Variants in CCSER1 observed in about 807,000 individuals in gnomAD.
CCSER1 encodes serine-rich coiled-coil domain-containing protein 1.
Under a neutral mutation model 82.0 loss-of-function variants are expected in CCSER1, and 41 were observed. That is an observed-to-expected ratio of 0.50 (90% CI 0.39 to 0.65). The LOEUF is 0.65. Among genes scored for constraint, CCSER1 ranks in the 30% least tolerant of loss-of-function variants. CCSER1 has a pLI of 0.00. For synonymous variants in CCSER1, 414 were observed against 383.9 expected, an observed-to-expected ratio of 1.08 and a Z score of -0.92; for missense variants, 1,119 against 1,064.2, an observed-to-expected ratio of 1.05 and a Z score of -0.72.
At chr4:90,610,232 G>A (rs1470546947) in intron 5 of CCSER1, among the ~76,000 whole-genome samples, 3 of 150,110 alleles carry the variant, frequency 2.0e-5, no homozygotes, top group Non-Finnish European at 3.0e-5. Context: ...CAGACTGGGC[G>A]ACAGAACAAG....
chr4:91,463,916 T>G (rs4632613), intron 10 of CCSER1, among the ~76,000 whole-genome samples: 1 of 152,052 alleles, frequency 6.6e-6, no homozygotes, highest in African/African-American at 2.4e-5. Context: ...TGGAACCAAG[T>G]TGGCAAACAC....
chr4:90,408,900 G>C (rs981913484), intron 4 of CCSER1, among the ~76,000 whole-genome samples: 1 of 152,154 alleles, frequency 6.6e-6, no homozygotes, highest in African/African-American at 2.4e-5. Context: ...TAGATGAATG[G>C]ATAACTGGAA....
intron 10 of CCSER1, among the ~76,000 whole-genome samples, chr4:91,346,068 G>C (rs1322764403): frequency 1.3e-5 from 2 of 149,752 alleles, no homozygotes; most frequent in African/African-American, 5.1e-5. Flanking sequence ...TCTGTCACCA[G>C]GCTGGAGTGC....
chr4:90,917,740 TTTA>T (rs1727715557), intron 8 of CCSER1, among the ~76,000 whole-genome samples: 1 of 152,128 alleles, frequency 6.6e-6, no homozygotes, highest in Admixed American at 6.6e-5. Context: ...AAAAAAATCT[TTTA>T]TTATTGACAT....
At chr4:91,033,084 A>G (rs1376003259) in intron 9 of CCSER1, among the ~76,000 whole-genome samples, 4 of 152,258 alleles carry the variant, frequency 2.6e-5, no homozygotes, top group Non-Finnish European at 5.9e-5. Context: ...AATTAAGTAA[A>G]TGAGACAAAT....
chr4:91,074,399 A>G (rs1044597816), intron 9 of CCSER1, among the ~76,000 whole-genome samples: 2 of 152,200 alleles, frequency 1.3e-5, no homozygotes, highest in African/African-American at 4.8e-5. Context: ...TGCCACTAAC[A>G]TCAGTGCATG....
chr4:91,319,506 G>A, intron 10 of CCSER1: 1 of 381,186 alleles, frequency 2.6e-6, no homozygotes, highest in Admixed American at 3.1e-5. Flanking sequence ...TTCCCTCATG[G>A]AACTTTGTTA....
Position 91,399,898 on chromosome 4 carries a change from T to A in CCSER1, c.2218-198674T>A, listed in dbSNP as rs58543600. 7.6e-3 allele frequency among the ~76,000 whole-genome samples: 1,155 copies of A among 152,122 alleles called. 17 individuals are homozygous for A. The highest frequency in any genetic ancestry group is 0.026 in the African/African-American group (1,097 of 41,544). On this transcript the variant is annotated intron_variant, in intron 10 of 10. Coordinates refer to ENST00000509176, the MANE Select transcript of CCSER1 (RefSeq NM_001145065.2). ...CCTCTGAACGTTTTCTGTTCTAAAGTATGTTTTCATCACTTTCCTATTTTT... is the reference window on the plus strand; with the variant it reads ...CCTCTGAACGTTTTCTGTTCTAAAGAATGTTTTCATCACTTTCCTATTTTT...
intron 7 of CCSER1, among the ~76,000 whole-genome samples, chr4:90,803,091 GT>G (rs1757037252): frequency 1.3e-5 from 2 of 152,098 alleles, no homozygotes; most frequent in Non-Finnish European, 2.9e-5. Context: ...ATGACTCAAT[GT>G]CAAACTTGAT....
rs142501165 is a variant in CCSER1, at chr4:90,683,072, A to G, written c.1933-40842A>G. The G allele has an allele frequency of 4.0e-3, 616 of 152,508 alleles. 4 individuals are homozygous for G. The highest frequency in any genetic ancestry group is 0.014 in the African/African-American group (592 of 41,570). The allele number at this position is 152,508 out of a possible 1,614,324, so 9.4% of individuals were successfully genotyped here. On this transcript the variant is annotated intron_variant, in intron 6 of 10. Transcript: ENST00000509176. ...GCAAGCAACATACTGATATTTCTGA[A>G]GAGTCTCCTGGAAATTTGCCAGGAA...
At chr4:91,099,631 G>A (rs1262764576) in intron 10 of CCSER1, among the ~76,000 whole-genome samples, 1 of 152,032 alleles carries the variant, frequency 6.6e-6, no homozygotes, top group African/African-American at 2.4e-5. Flanking sequence ...AAATACATTG[G>A]TTTGGTCCAG....
chr4:91,407,909 T>C (rs1752798153), intron 10 of CCSER1, among the ~76,000 whole-genome samples: 1 of 152,178 alleles, frequency 6.6e-6, no homozygotes, highest in Non-Finnish European at 1.5e-5. Flanking sequence ...ATCTCTTCTG[T>C]GGAGCTAGAG....
chr4:90,774,455 TATA>T (rs1752636942), intron 7 of CCSER1, among the ~76,000 whole-genome samples: 1 of 152,106 alleles, frequency 6.6e-6, no homozygotes, highest in Non-Finnish European at 1.5e-5. Context: ...TTCATGATAA[TATA>T]ATGAGTCATA....
chr4:90,359,079 CAG>C, intron 3 of CCSER1, among the ~76,000 whole-genome samples: 1 of 152,142 alleles, frequency 6.6e-6, no homozygotes, highest in Non-Finnish European at 1.5e-5. Context: ...GTTACGAATT[CAG>C]AGAGAAGATA....
chr4:90,726,564 G>C (rs1743679474), intron 7 of CCSER1, among the ~76,000 whole-genome samples: 1 of 151,930 alleles, frequency 6.6e-6, no homozygotes. Context: ...CAATATGGCA[G>C]CATTTTTCAA....
intron 10 of CCSER1, among the ~76,000 whole-genome samples, chr4:91,460,718 C>T (rs1045179207): frequency 2.0e-5 from 3 of 152,078 alleles, no homozygotes; most frequent in African/African-American, 4.8e-5. Flanking sequence ...TCGAGCACAC[C>T]GTGAAAGCCA....
At chr4:90,438,774 T>C (rs943356572) in intron 4 of CCSER1, among the ~76,000 whole-genome samples, 1 of 150,228 alleles carries the variant, frequency 6.7e-6, no homozygotes, top group Non-Finnish European at 1.5e-5. Context: ...TTTTGATATC[T>C]TCTATCTATC....
rs1322056607 is a variant in CCSER1, at chr4:91,369,879, A to G, written c.2218-228693A>G. ...TTTTTTTTAGGAGAGACGGGGTTTC[A>G]CCATGTTGGCCAGGATGGTCTTGAC... On this transcript the variant is annotated intron_variant, in intron 10 of 10. Coordinates refer to ENST00000509176, the MANE Select transcript of CCSER1 (RefSeq NM_001145065.2). Among the ~76,000 whole-genome samples, 2 of 149,466 alleles carry G rather than the reference A, an allele frequency of 1.3e-5. 1 individual carries two copies. Among genetic ancestry groups the G allele is most frequent in the Non-Finnish European group, 3.0e-5 (2 of 67,468 alleles).
At chr4:91,230,238 T>C (rs1014939116) in intron 10 of CCSER1, among the ~76,000 whole-genome samples, 15 of 152,208 alleles carry the variant, frequency 9.9e-5, no homozygotes, top group African/African-American at 3.6e-4. Flanking sequence ...GAGTAAGGAT[T>C]ACAACAATTA....
Sources: gnomAD v4.1 joint callset for allele counts (sites outside exome capture counted in the v4.1 genomes callset) on GRCh38, gnomAD v4.1.1 for gene constraint, MANE v1.5 for transcripts, NCBI Gene and HGNC (gene_info 2026-07-23, HGNC 2026-07-21) for gene names.